Variants in TMCC1 observed in about 807,000 individuals in gnomAD.
TMCC1 encodes transmembrane and coiled-coil domain family 1, also known as transmembrane and coiled-coil domains protein 1.
TMCC1 carries 15 observed loss-of-function variants against 52.4 expected under a neutral mutation model. The ratio of observed to expected loss-of-function variants is 0.29; its 90% CI spans 0.19 to 0.44. The LOEUF (loss-of-function observed/expected upper bound fraction) is 0.44. Among genes scored for constraint, TMCC1 ranks in the 20% least tolerant of loss-of-function variants. The probability of loss-of-function intolerance (pLI) is 1.00; values close to 1 mark genes in which losing one functional copy is unlikely to be tolerated. For synonymous variants in TMCC1, 279 were observed against 301.9 expected (o/e 0.92, Z 0.79); for missense variants, 503 against 806.0 (o/e 0.62, Z 4.55).
At chr3:129,729,841 G>A (rs1274347268) in intron 4 of TMCC1, among the ~76,000 whole-genome samples, 1 of 151,750 alleles carries the variant, frequency 6.6e-6, no homozygotes, top group East Asian at 1.9e-4. Flanking sequence ...CAGGCACAGT[G>A]GCTCATGCCT....
intron 4 of TMCC1, among the ~76,000 whole-genome samples, chr3:129,787,894 T>C (rs1347133094): frequency 2.6e-5 from 4 of 152,214 alleles, no homozygotes; most frequent in South Asian, 4.1e-4. Context: ...ATGGTTTTCA[T>C]TGAAGAATAA....
chr3:129,659,152 T>C (rs1368628743), intron 5 of TMCC1, among the ~76,000 whole-genome samples: 1 of 149,478 alleles, frequency 6.7e-6, no homozygotes, highest in Non-Finnish European at 1.5e-5. Flanking sequence ...CAGGGTGGAG[T>C]GCAGTGGTGC....
At chr3:129,789,747 T>C (rs2056325145) in intron 4 of TMCC1, among the ~76,000 whole-genome samples, 1 of 152,236 alleles carries the variant, frequency 6.6e-6, no homozygotes. Flanking sequence ...CCCAAAGTGC[T>C]GGGATTACAG....
chr3:129,687,116 A>T (rs2089463665), intron 4 of TMCC1, among the ~76,000 whole-genome samples: 1 of 152,196 alleles, frequency 6.6e-6, no homozygotes, highest in Non-Finnish European at 1.5e-5. Context: ...AACCTAATGG[A>T]GTATATGGAG....
chr3:129,771,067 T>G (rs1015881464), intron 4 of TMCC1, among the ~76,000 whole-genome samples: 1 of 152,200 alleles, frequency 6.6e-6, no homozygotes, highest in Non-Finnish European at 1.5e-5. Flanking sequence ...CTGACAGCTA[T>G]CCCTCTAATA....
chr3:129,861,068 CATGAT>C (rs2060368425), intron 2 of TMCC1: 2 of 152,182 alleles, frequency 1.3e-5, no homozygotes, highest in South Asian at 4.1e-4. Context: ...CTAAGACCTG[CATGAT>C]ATTCCTTTGG....
intron 5 of TMCC1, among the ~76,000 whole-genome samples, chr3:129,661,775 C>A (rs2087046029): frequency 6.6e-6 from 1 of 152,130 alleles, no homozygotes; most frequent in Non-Finnish European, 1.5e-5. Flanking sequence ...GCACTCCAGC[C>A]TGGGTGACAG....
At chr3:129,725,570 T>G (rs1270043517) in intron 4 of TMCC1, among the ~76,000 whole-genome samples, 1 of 152,152 alleles carries the variant, frequency 6.6e-6, no homozygotes, top group Non-Finnish European at 1.5e-5. Context: ...ATTACTGGAT[T>G]GTTTCAAAGC....
chr3:129,722,364 G>A (rs1028100430), intron 4 of TMCC1, among the ~76,000 whole-genome samples: 3 of 152,140 alleles, frequency 2.0e-5, no homozygotes, highest in African/African-American at 7.2e-5. Context: ...GAGGTGAACA[G>A]TTTCATCCCC....
chr3:129,697,789 A>C (rs1433528075), intron 4 of TMCC1, among the ~76,000 whole-genome samples: 1 of 152,142 alleles, frequency 6.6e-6, no homozygotes, highest in Non-Finnish European at 1.5e-5. Context: ...AACACATAAC[A>C]AGAGTCACCT....
intron 4 of TMCC1, among the ~76,000 whole-genome samples, chr3:129,749,764 G>A (rs1224121393): frequency 6.6e-6 from 1 of 152,152 alleles, no homozygotes; most frequent in African/African-American, 2.4e-5. Flanking sequence ...ACTTTATTGT[G>A]AGGCAAATCA....
At chr3:129,771,628 A>C (rs890165909) in intron 4 of TMCC1, among the ~76,000 whole-genome samples, 1 of 151,934 alleles carries the variant, frequency 6.6e-6, no homozygotes, top group African/African-American at 2.4e-5. Context: ...TACAAAAATA[A>C]GCTGGGTGTG....
chr3:129,779,492 G>A (rs564238230), intron 4 of TMCC1, among the ~76,000 whole-genome samples: 18 of 152,168 alleles, frequency 1.2e-4, no homozygotes, highest in Non-Finnish European at 2.2e-4. Context: ...ATAAGTATGC[G>A]TGATACATTT....
intron 4 of TMCC1, among the ~76,000 whole-genome samples, chr3:129,704,478 G>A (rs1349884380): frequency 6.6e-6 from 1 of 152,158 alleles, no homozygotes; most frequent in Non-Finnish European, 1.5e-5. Context: ...GAGTGCAGTG[G>A]TGTAATCTCA....
chr3:129,685,335 T>C (rs754791910), intron 4 of TMCC1, among the ~76,000 whole-genome samples: 1 of 151,160 alleles, frequency 6.6e-6, no homozygotes, highest in Non-Finnish European at 1.5e-5. Context: ...ACTATGATCA[T>C]GCCACGGCAC....
At chr3:129,892,139 T>C (rs2061995489) in intron 1 of TMCC1, among the ~76,000 whole-genome samples, 1 of 152,230 alleles carries the variant, frequency 6.6e-6, no homozygotes, top group Non-Finnish European at 1.5e-5. Flanking sequence ...CTCATAATTA[T>C]AACAGTTCTA....
intron 6 of TMCC1, among the ~76,000 whole-genome samples, chr3:129,653,707 A>G (rs1468261932): frequency 1.3e-5 from 2 of 151,962 alleles, no homozygotes; most frequent in African/African-American, 4.8e-5. Flanking sequence ...CAAAATCCCA[A>G]ATCCCCTGGG....
chr3:129,864,976 A>C (rs913443314), intron 2 of TMCC1, among the ~76,000 whole-genome samples: 2 of 152,242 alleles, frequency 1.3e-5, no homozygotes, highest in Non-Finnish European at 2.9e-5. Flanking sequence ...CTAGGCGTCC[A>C]GGCACTACAT....
At chr3:129,738,663 C>G (rs2051193075) in intron 4 of TMCC1, among the ~76,000 whole-genome samples, 1 of 152,080 alleles carries the variant, frequency 6.6e-6, no homozygotes, top group South Asian at 2.1e-4. Flanking sequence ...TTTGAGTTTT[C>G]TAGCAACCAA....
Sources: gnomAD v4.1 joint callset for allele counts (sites outside exome capture counted in the v4.1 genomes callset) on GRCh38, gnomAD v4.1.1 for gene constraint, MANE v1.5 for transcripts, NCBI Gene and HGNC (gene_info 2026-07-23, HGNC 2026-07-21) for gene names.